Variants in LRP1B observed in about 807,000 individuals in gnomAD.
LRP1B encodes the protein LDL receptor related protein 1B.
LRP1B carries 217 observed loss-of-function variants against 556.6 expected under a neutral mutation model. The observed-to-expected ratio is 0.39, with a 90% CI of 0.35 to 0.44. The LOEUF is 0.44. Among genes scored for constraint, LRP1B ranks in the 20% least tolerant of loss-of-function variants. The pLI is 1.00. For synonymous variants in LRP1B, 2,047 were observed against 1,865.8 expected (o/e 1.10, Z -2.50); for missense variants, 5,053 against 5,620.8 (o/e 0.90, Z 3.23).
rs1573808880 is a variant in LRP1B at position 140,334,682 on chromosome 2, A to G, written c.12117-123T>C. 2.1e-5 allele frequency: 11 copies of G among 524,632 alleles called. No homozygotes were observed. In the East Asian group the frequency reaches 3.3e-4, roughly 16 times the overall value. 32.5% of individuals were successfully genotyped at this position (524,632 alleles called of 1,614,324 possible). On this transcript the variant is annotated intron_variant, in intron 78 of 90. Coordinates refer to ENST00000389484, the MANE Select transcript of LRP1B (RefSeq NM_018557.3). ...AATCACCCCAGAGTCTCTTAAAAAGAGTCAACTCAAAACACACAGAATGAG... is the reference window on the plus strand; with the variant it reads ...AATCACCCCAGAGTCTCTTAAAAAGGGTCAACTCAAAACACACAGAATGAG...
intron 3 of LRP1B, among the ~76,000 whole-genome samples, chr2:141,342,375 T>A (rs1688098780): frequency 6.6e-6 from 1 of 152,004 alleles, no homozygotes; most frequent in South Asian, 2.1e-4. Flanking sequence ...TACTCACAAC[T>A]TTGGTTGCAA....
At chr2:141,062,680 G>A (rs1008053710) in intron 7 of LRP1B, among the ~76,000 whole-genome samples, 6 of 151,754 alleles carry the variant, frequency 4.0e-5, no homozygotes, top group African/African-American at 9.7e-5. Context: ...GCCTGGTAAT[G>A]TTTGTGTCTT....
chr2:140,935,459 T>C (rs1695174844), intron 20 of LRP1B, among the ~76,000 whole-genome samples: 1 of 151,954 alleles, frequency 6.6e-6, no homozygotes, highest in Admixed American at 6.6e-5. Flanking sequence ...CAGGCAAATT[T>C]GAAGATAGGA....
intron 2 of LRP1B, among the ~76,000 whole-genome samples, chr2:141,693,679 A>G (rs540463854): frequency 1.3e-5 from 2 of 152,178 alleles, no homozygotes; most frequent in South Asian, 4.1e-4. Flanking sequence ...TTATACAGAC[A>G]GATCATTTGT....
At chr2:141,295,460 G>T (rs546350509) in intron 3 of LRP1B, among the ~76,000 whole-genome samples, 1 of 151,926 alleles carries the variant, frequency 6.6e-6, no homozygotes, top group Non-Finnish European at 1.5e-5. Flanking sequence ...TCTCAATTTA[G>T]GGAGGAAAAA....
chr2:140,787,854 T>G (rs1689963317), intron 32 of LRP1B, among the ~76,000 whole-genome samples: 1 of 152,070 alleles, frequency 6.6e-6, no homozygotes, highest in African/African-American at 2.4e-5. Flanking sequence ...CGATTACAGG[T>G]GTGGAGCCAC....
intron 3 of LRP1B, among the ~76,000 whole-genome samples, chr2:141,265,595 A>T (rs1684857712): frequency 6.6e-6 from 1 of 152,214 alleles, no homozygotes; most frequent in Non-Finnish European, 1.5e-5. Flanking sequence ...CAATGTGCTA[A>T]GGAACTCTTC....
chr2:140,378,026 G>C (rs1683309719), intron 68 of LRP1B, among the ~76,000 whole-genome samples, 154 bp downstream of exon 68: 1 of 152,300 alleles, frequency 6.6e-6, no homozygotes, highest in African/African-American at 2.4e-5. Context: ...TGCTGGGGAT[G>C]TGAAGCACAG....
chr2:141,694,672 CT>C (rs1164305612), intron 2 of LRP1B, among the ~76,000 whole-genome samples: 2 of 151,186 alleles, frequency 1.3e-5, no homozygotes, highest in Non-Finnish European at 2.9e-5. Flanking sequence ...ACAATTTTCT[CT>C]TTTAGACATC....
At chr2:140,754,128 G>C (rs1237919906) in intron 35 of LRP1B, among the ~76,000 whole-genome samples, 1 of 152,170 alleles carries the variant, frequency 6.6e-6, no homozygotes, top group Non-Finnish European at 1.5e-5. Flanking sequence ...CAAAAGAACT[G>C]ATTTTATTTG....
At chr2:140,461,069 GA>G (rs1217803995) in intron 60 of LRP1B, among the ~76,000 whole-genome samples, 1,971 of 72,342 alleles carry the variant, frequency 0.027, 30 homozygotes, top group African/African-American at 0.083. Context: ...ACTCAAAAAA[GA>G]AAAAAAAAAA....
chr2:140,731,136 C>A (rs944067158), intron 35 of LRP1B, among the ~76,000 whole-genome samples: 1 of 152,192 alleles, frequency 6.6e-6, no homozygotes, highest in African/African-American at 2.4e-5. Flanking sequence ...CTTCCTCTGC[C>A]AGGAAACCTT....
chr2:140,683,111 A>G (rs558381841), intron 41 of LRP1B, among the ~76,000 whole-genome samples: 1 of 152,278 alleles, frequency 6.6e-6, no homozygotes, highest in African/African-American at 2.4e-5. Context: ...GCGGGCTTTG[A>G]CATTACTTTC....
intron 1 of LRP1B, among the ~76,000 whole-genome samples, chr2:141,978,418 A>C (rs1701944542): frequency 6.6e-6 from 1 of 152,112 alleles, no homozygotes; most frequent in Non-Finnish European, 1.5e-5. Context: ...TCAAAGTACC[A>C]AATGAGGAGG....
rs180920658 is a variant in LRP1B, at chr2:141,274,676, T to C, written c.344-20035A>G. On this transcript the variant is annotated intron_variant, in intron 3 of 90. Transcript: ENST00000389484. ...TATATTAAAAATCTTTAGATTTTCA[T>C]ACTTCAGTTGGGTAAATTGTATGGT... Among the ~76,000 whole-genome samples the C allele has an allele frequency of 3.9e-5, 6 of 152,330 alleles. No homozygotes were observed. In the East Asian group the frequency reaches 1.2e-3, roughly 29 times the overall value.
intron 82 of LRP1B, among the ~76,000 whole-genome samples, chr2:140,320,224 C>A (rs1489492397): frequency 6.6e-6 from 1 of 152,022 alleles, no homozygotes; most frequent in Non-Finnish European, 1.5e-5. Flanking sequence ...TGGCTTGTGT[C>A]ACTGGCCACA....
At chr2:140,492,573 T>G (rs1241597945) in intron 57 of LRP1B, 35 bp downstream of exon 57, 5 of 1,458,574 alleles carry the variant, frequency 3.4e-6, no homozygotes, top group Non-Finnish European at 3.8e-6. Flanking sequence ...AGTGCACATG[T>G]TAAATGTTAC....
At chr2:141,997,444 T>TATAC (rs1702529422) in intron 1 of LRP1B, among the ~76,000 whole-genome samples, 1 of 137,256 alleles carries the variant, frequency 7.3e-6, no homozygotes, top group African/African-American at 2.7e-5. Context: ...TGTGTGTATA[T>TATAC]ACACACACAC....
chr2:140,901,778 T>C (rs544277075), intron 23 of LRP1B, among the ~76,000 whole-genome samples: 96 of 152,306 alleles, frequency 6.3e-4, no homozygotes, highest in African/African-American at 2.2e-3. Flanking sequence ...ATTTATTATA[T>C]ATTTATTTTG....
Sources: gnomAD v4.1 joint callset for allele counts (sites outside exome capture counted in the v4.1 genomes callset) on GRCh38, gnomAD v4.1.1 for gene constraint, MANE v1.5 for transcripts, NCBI Gene and HGNC (gene_info 2026-07-23, HGNC 2026-07-21) for gene names.